The following DAB1 variants were observed in gnomAD, a reference collection of about 807,000 sequenced individuals.
DAB1 encodes the protein DAB adaptor protein 1, also known as disabled homolog 1.
Under a neutral mutation model 64.6 loss-of-function variants are expected in DAB1, and 15 were observed. The ratio of observed to expected loss-of-function variants is 0.23; its 90% CI spans 0.16 to 0.36. The LOEUF is 0.36. Ranked by LOEUF, DAB1 falls within the 10% of genes least tolerant of loss-of-function variation. The pLI is 1.00. For synonymous variants in DAB1, 235 were observed against 251.9 expected (o/e 0.93, Z 0.64); for missense variants, 596 against 706.7 (o/e 0.84, Z 1.78).
chr1:58,510,144 GC>G (rs34793235), intron 2 of DAB1, among the ~76,000 whole-genome samples: 44,713 of 151,712 alleles, frequency 0.29, 7,170 homozygotes, highest in African/African-American at 0.41. Context: ...TATGAGGCCA[GC>G]CATTACCCTG....
chr1:57,597,778 G>A (rs1174154545), intron 7 of DAB1, among the ~76,000 whole-genome samples: 1 of 152,186 alleles, frequency 6.6e-6, no homozygotes. Flanking sequence ...TAACCATAGA[G>A]TAAGTAAGCC....
At chr1:57,818,497 T>C (rs1651970135) in intron 6 of DAB1, among the ~76,000 whole-genome samples, 1 of 152,140 alleles carries the variant, frequency 6.6e-6, no homozygotes, top group South Asian at 2.1e-4. Context: ...AAATACTGGA[T>C]AATATTGACA....
At chr1:57,270,229 G>A (rs146896082) in intron 2 of DAB1, among the ~76,000 whole-genome samples, 6 of 152,302 alleles carry the variant, frequency 3.9e-5, no homozygotes, top group Non-Finnish European at 8.8e-5. Context: ...ACCATTTAGT[G>A]AGCTCTGAGC....
At chr1:58,135,150 T>G (rs749988624) in intron 5 of DAB1, among the ~76,000 whole-genome samples, 1 of 152,194 alleles carries the variant, frequency 6.6e-6, no homozygotes, top group Non-Finnish European at 1.5e-5. Flanking sequence ...ATCATGGATG[T>G]GAGACAGCTC....
rs142825377 is a variant in DAB1, at chr1:57,932,451, G to A, written n.388-48289C>T. Reference sequence around the variant, plus strand: ...TGAGTAGCTGGGATTAGAGGTGCCCGCCACCAAGCCCAGCTAATTTTTTTT... The same window carrying A: ...TGAGTAGCTGGGATTAGAGGTGCCCACCACCAAGCCCAGCTAATTTTTTTT... On this transcript the variant is annotated intron_variant and non_coding_transcript_variant, in intron 5 of 20. Transcript: ENST00000485760. Among the ~76,000 whole-genome samples, 67 of 149,766 alleles carry A rather than the reference G, an allele frequency of 4.5e-4. No homozygotes were observed. In the East Asian group the frequency reaches 5.1e-3, roughly 11 times the overall value.
At chr1:58,512,725 T>C (rs6656025) in intron 2 of DAB1, among the ~76,000 whole-genome samples, 88,635 of 152,016 alleles carry the variant, frequency 0.58, 28,047 homozygotes, top group East Asian at 0.82. Flanking sequence ...GAGAATAGAA[T>C]AGTGTTTGTC....
intron 6 of DAB1, among the ~76,000 whole-genome samples, chr1:57,766,461 C>A (rs1649316130): frequency 6.6e-6 from 1 of 152,088 alleles, no homozygotes; most frequent in African/African-American, 2.4e-5. Context: ...ACTCACTGGT[C>A]CCCCTCTGTC....
chr1:57,871,658 G>T (rs1643952241), intron 1 of DAB1, among the ~76,000 whole-genome samples: 1 of 152,146 alleles, frequency 6.6e-6, no homozygotes, highest in South Asian at 2.1e-4. Context: ...TTTTGCTCTA[G>T]GTTTGTCAAC....
chr1:57,313,530 G>T lies in DAB1; in HGVS notation c.-136-22364C>A, dbSNP rs77375035. ...CCTGAGGCACTGTGCCTGCTATGAG[G>T]AAGGGGTAAGTTGGCCCCGGTCTGG... On this transcript the variant is annotated intron_variant, in intron 1 of 14. Coordinates refer to ENST00000371236, the MANE Select transcript of DAB1 (RefSeq NM_001365792.1). Among the ~76,000 whole-genome samples, 125 of 152,242 alleles carry T rather than the reference G, an allele frequency of 8.2e-4. 2 individuals carry two copies. The East Asian group carries it at 0.022, about 26-fold the overall frequency.
At chr1:57,091,800 C>T (rs1653703393) in intron 4 of DAB1, among the ~76,000 whole-genome samples, 1 of 152,224 alleles carries the variant, frequency 6.6e-6, no homozygotes, top group African/African-American at 2.4e-5. Context: ...CTATTCAATA[C>T]ACTTGAAACA....
chr1:58,411,701 G>A (rs927861675), intron 3 of DAB1, among the ~76,000 whole-genome samples: 95 of 152,322 alleles, frequency 6.2e-4, no homozygotes, highest in Admixed American at 2.0e-3. Context: ...CTGGAGTAGA[G>A]AGGGAAAGGA....
At chr1:58,207,953 A>G (rs955748138) in intron 4 of DAB1, among the ~76,000 whole-genome samples, 3 of 152,164 alleles carry the variant, frequency 2.0e-5, no homozygotes, top group Admixed American at 1.3e-4. Flanking sequence ...GGGCTGGGGA[A>G]GCCTCAGGAA....
At chr1:57,439,421 T>TTTTTTTTTTGTTTTTTTTTG (rs1558381279) in intron 7 of DAB1, among the ~76,000 whole-genome samples, 12 of 118,860 alleles carry the variant, frequency 1.0e-4, no homozygotes, top group Admixed American at 3.1e-4. Context: ...TGATGAGGTT[T>TTTTTTTTTTGTTTTTTTTTG]TTTCTTTTTT....
At chr1:58,358,980 A>ACACACACACAC (rs369377212) in intron 3 of DAB1, among the ~76,000 whole-genome samples, 1 of 148,990 alleles carries the variant, frequency 6.7e-6, no homozygotes. Context: ...ACACACACTC[A>ACACACACACAC]AAGGATGCTG....
chr1:57,985,148 T>G (rs751037803), intron 5 of DAB1, among the ~76,000 whole-genome samples: 1 of 152,130 alleles, frequency 6.6e-6, no homozygotes, highest in African/African-American at 2.4e-5. Flanking sequence ...CCTCAAGTAA[T>G]CCACCCGCCT....
At chr1:57,797,869 C>A (rs1276665276) in intron 6 of DAB1, among the ~76,000 whole-genome samples, 2 of 143,384 alleles carry the variant, frequency 1.4e-5, no homozygotes, top group South Asian at 2.3e-4. Context: ...GAAAACTGTA[C>A]AAGCTATACA....
At chr1:57,537,374 G>T (rs1449402368) in intron 7 of DAB1, among the ~76,000 whole-genome samples, 1 of 152,136 alleles carries the variant, frequency 6.6e-6, no homozygotes, top group African/African-American at 2.4e-5. Flanking sequence ...ATGCTCTTCA[G>T]GTTATCCAAC....
chr1:58,180,262 T>C (rs2100781953), intron 4 of DAB1, among the ~76,000 whole-genome samples: 1 of 143,878 alleles, frequency 7.0e-6, no homozygotes, highest in East Asian at 2.0e-4. Context: ...AGATCTTTCT[T>C]TTTTCTTTTT....
At chr1:57,692,776 C>T (rs1165036608) in intron 6 of DAB1, among the ~76,000 whole-genome samples, 1 of 152,162 alleles carries the variant, frequency 6.6e-6, no homozygotes, top group Non-Finnish European at 1.5e-5. Flanking sequence ...AGGCCTAGAC[C>T]TCCTTACTGC....
Sources: gnomAD v4.1 joint callset for allele counts (sites outside exome capture counted in the v4.1 genomes callset) on GRCh38, gnomAD v4.1.1 for gene constraint, MANE v1.5 for transcripts, NCBI Gene and HGNC (gene_info 2026-07-23, HGNC 2026-07-21) for gene names.